Variants in NUCB2 observed in about 807,000 individuals in gnomAD.
NUCB2 encodes the protein nucleobindin 2.
In NUCB2, 48 loss-of-function variants were observed where a neutral mutation model predicts 57.9. The ratio of observed to expected loss-of-function variants is 0.83; its 90% CI spans 0.66 to 1.05. The LOEUF is 1.05. Among genes scored for constraint, NUCB2 ranks in the 50% least tolerant of loss-of-function variants. NUCB2 has a pLI of 0.00. For missense variants in NUCB2, 442 were observed against 476.2 expected, an observed-to-expected ratio of 0.93 and a Z score of 0.67; for synonymous variants, 139 against 152.1, an observed-to-expected ratio of 0.91 and a Z score of 0.64.
chr11:17,346,933 A>G (rs1952793692), intron 2 of NUCB2, among the ~76,000 whole-genome samples: 1 of 152,190 alleles, frequency 6.6e-6, no homozygotes, highest in African/African-American at 2.4e-5. Flanking sequence ...CAACGATAGT[A>G]TAATGAATTT....
At chr11:17,346,929 T>C (rs928187094) in intron 2 of NUCB2, among the ~76,000 whole-genome samples, 4 of 152,164 alleles carry the variant, frequency 2.6e-5, no homozygotes, top group Admixed American at 6.5e-5. Context: ...ATTGCAACGA[T>C]AGTATAATGA....
At chr11:17,295,526 T>A in intron 3 of NUCB2, 59 bp downstream of exon 3, 1 of 1,298,542 alleles carries the variant, frequency 7.7e-7, no homozygotes, top group Non-Finnish European at 1.1e-6. Flanking sequence ...ATTATAATTG[T>A]AACTAAATGA....
chr11:17,341,632 A>G (rs1045111100), intron 2 of NUCB2, among the ~76,000 whole-genome samples: 4 of 152,128 alleles, frequency 2.6e-5, no homozygotes, highest in Non-Finnish European at 4.4e-5. Context: ...TGATTTGCGT[A>G]TGTTGAACCA....
Position 17,331,485 on chromosome 11 carries a change from C to T in NUCB2, c.*66C>T. ...CAACATCTATTTCATCTTTTTAGCT[C>T]CCTTCCTTTTTCTCTGCTCAATAAA... is the stretch of plus-strand genomic sequence containing the variant. On this transcript the variant is annotated 3_prime_UTR_variant, in exon 14 of 14. Transcript: ENST00000529010. 9.7e-7 allele frequency: 1 copy of T among 1,032,480 alleles called. No individual in the cohort carries two copies. The allele number at this position is 1,032,480 out of a possible 1,614,324, so 64.0% of individuals were successfully genotyped here. A position where few individuals can be genotyped will look rare whatever the true frequency, so the allele number is the denominator to read the frequency against.
At chr11:17,294,058 A>T (rs1404787469) in intron 2 of NUCB2, among the ~76,000 whole-genome samples, 1 of 152,246 alleles carries the variant, frequency 6.6e-6, no homozygotes, top group Non-Finnish European at 1.5e-5. Flanking sequence ...ATATCTCAAA[A>T]AACCCAAAAT....
intron 2 of NUCB2, among the ~76,000 whole-genome samples, chr11:17,340,491 T>C (rs908112304): frequency 1.3e-5 from 2 of 152,158 alleles, no homozygotes; most frequent in Non-Finnish European, 2.9e-5. Context: ...AGGTCTAACA[T>C]TTAAGTCTTT....
chr11:17,282,259 T>TATATATA (rs1555062027), intron 1 of NUCB2, among the ~76,000 whole-genome samples: 5 of 73,042 alleles, frequency 6.8e-5, no homozygotes, highest in Middle Eastern at 0.012. Flanking sequence ...TATATATATA[T>TATATATA]TTTTTTTTTT....
Position 17,278,084 on chromosome 11 carries a change from A to G in NUCB2, c.-156+1256A>G, listed in dbSNP as rs1399283715. Among the ~76,000 whole-genome samples, 2 of 151,656 alleles carry G rather than the reference A, an allele frequency of 1.3e-5. 1 individual carries two copies. The highest frequency in any genetic ancestry group is 2.9e-5 in the Non-Finnish European group (2 of 67,952). Reference sequence around the variant, plus strand: ...GGGGTCAAATTTTTTTTTTAACTAGACAATTTTAGAAACTTAAAGGAGGCA... The same window carrying G: ...GGGGTCAAATTTTTTTTTTAACTAGGCAATTTTAGAAACTTAAAGGAGGCA... On this transcript the variant is annotated intron_variant, in intron 1 of 13. Transcript: ENST00000529010.
At chr11:17,339,018 C>T (rs2139590297) in intron 2 of NUCB2, among the ~76,000 whole-genome samples, 1 of 146,224 alleles carries the variant, frequency 6.8e-6, no homozygotes, top group South Asian at 2.2e-4. Context: ...GATGGAGCCT[C>T]ACTCTGTTGC....
chr11:17,348,872 C>A (rs571063213), intron 2 of NUCB2, among the ~76,000 whole-genome samples: 1 of 152,000 alleles, frequency 6.6e-6, no homozygotes, highest in East Asian at 1.9e-4. Context: ...CTCCGCTTCC[C>A]GGGTTCAAGT....
chr11:17,346,556 A>G (rs1952756294), intron 2 of NUCB2, among the ~76,000 whole-genome samples: 1 of 152,210 alleles, frequency 6.6e-6, no homozygotes, highest in Admixed American at 6.5e-5. Context: ...AAATTCAAGA[A>G]CCATTTAATA....
chr11:17,301,932 C>G, intron 5 of NUCB2, 62 bp downstream of exon 5: 1 of 1,443,286 alleles, frequency 6.9e-7, no homozygotes, highest in Non-Finnish European at 9.5e-7. Flanking sequence ...CAGCGTTTTA[C>G]CCTGTGGTTC....
chr11:17,347,084 C>A (rs370961689), intron 2 of NUCB2, among the ~76,000 whole-genome samples: 5 of 152,272 alleles, frequency 3.3e-5, no homozygotes, highest in East Asian at 3.9e-4. Context: ...TGGTTTTATA[C>A]ATTTAGAGAG....
At chr11:17,300,967 CTTTTTTTTTTTTTT>C (rs71047541) in intron 4 of NUCB2, among the ~76,000 whole-genome samples, 1 of 84,392 alleles carries the variant, frequency 1.2e-5, no homozygotes, top group African/African-American at 4.6e-5. Context: ...TAAAGCTAAT[CTTTTTTTTTTTTTT>C]TTTTTTTTGA....
chr11:17,341,109 GTCTC>G (rs948029850), intron 2 of NUCB2, among the ~76,000 whole-genome samples: 5 of 152,044 alleles, frequency 3.3e-5, no homozygotes, highest in Admixed American at 6.6e-5. Flanking sequence ...CTCATGATTT[GTCTC>G]TCTGTCTGTT....
intron 2 of NUCB2, among the ~76,000 whole-genome samples, chr11:17,285,379 C>T (rs1273252346): frequency 6.6e-6 from 1 of 152,116 alleles, no homozygotes; most frequent in African/African-American, 2.4e-5. Flanking sequence ...TCGAGACCAG[C>T]CTGGACAACA....
At position 17,310,941 on chromosome 11, in the gene NUCB2, A is replaced by T. The variant is rs1468809808; in HGVS notation, c.600A>T (p.Arg200Ser). Residue 200 changes from arginine (R) to serine (S), a missense_variant, in exon 7 of 14, where the codon AGA becomes AGT. Physicochemically the swap from Arg to Ser is moderately radical, Grantham distance 110. Coordinates refer to ENST00000529010, the MANE Select transcript of NUCB2 (RefSeq NM_005013.4). ...TAAAAACATTGAATGAAGAAAAGAGAAAAGAAGAAGAGTCTAAATTTGAAG... is the reference window on the plus strand; with the variant it reads ...TAAAAACATTGAATGAAGAAAAGAGTAAAGAAGAAGAGTCTAAATTTGAAG... ...EYLKTLNEEK[R>S]KEEESKFEEM... is the part of the protein sequence containing the mutation. 1 of 1,595,640 alleles carries T rather than the reference A, an allele frequency of 6.3e-7. No homozygotes were observed. Among genetic ancestry groups the T allele is most frequent in the Non-Finnish European group, 8.5e-7 (1 of 1,174,230 alleles).
intron 2 of NUCB2, among the ~76,000 whole-genome samples, chr11:17,338,154 T>C (rs192890023): frequency 1.3e-5 from 2 of 152,322 alleles, no homozygotes; most frequent in Admixed American, 6.5e-5. Flanking sequence ...AACCTGTTTA[T>C]TGAGACAAAA....
At chr11:17,285,576 C>G (rs1467906001) in intron 2 of NUCB2, among the ~76,000 whole-genome samples, 1 of 109,898 alleles carries the variant, frequency 9.1e-6, no homozygotes, top group Admixed American at 9.6e-5. Context: ...GACACTGTCT[C>G]AAAAAAAAAA....
Sources: allele counts gnomAD v4.1 joint callset (sites outside exome capture counted in the v4.1 genomes callset), GRCh38; gene constraint gnomAD v4.1.1; transcripts MANE v1.5; gene names NCBI Gene and HGNC (gene_info 2026-07-23, HGNC 2026-07-21).